TBCE: variants seen among roughly 807,000 people sequenced by gnomAD.
TBCE encodes tubulin folding cofactor E.
Under a neutral mutation model 77.0 loss-of-function variants are expected in TBCE, and 53 were observed. The observed-to-expected ratio is 0.69, with a 90% CI of 0.55 to 0.87. The LOEUF (loss-of-function observed/expected upper bound fraction) is 0.87, where lower values mean the gene tolerates loss of function less well. Ranked by LOEUF, TBCE falls within the 40% of genes least tolerant of loss-of-function variation. The probability of loss-of-function intolerance (pLI) is 0.00; values close to 1 mark genes in which losing one functional copy is unlikely to be tolerated. For synonymous variants in TBCE, 235 were observed against 241.3 expected (o/e 0.97, Z 0.24); for missense variants, 624 against 622.4 (o/e 1.00, Z -0.03).
At chr1:235,377,634 A>G (rs2102807932) in intron 1 of TBCE, among the ~76,000 whole-genome samples, 1 of 149,998 alleles carries the variant, frequency 6.7e-6, no homozygotes, top group Non-Finnish European at 1.5e-5. Flanking sequence ...AACTCCAGTA[A>G]CAGAGGAAAT....
Position 235,407,921 on chromosome 1 carries a change from C to T in TBCE, c.185+6334C>T, listed in dbSNP as rs1679549223. ...CCTAAACCCCAGAGTATGCTCTGAA[C>T]AGAGCTGTGTGTGTCAGTATTCTGC... On this transcript the variant is annotated intron_variant, in intron 3 of 16. Transcript: ENST00000642610. 2.0e-5 allele frequency among the ~76,000 whole-genome samples: 3 copies of T among 151,510 alleles called. No individual in the cohort carries two copies. In the South Asian group the frequency reaches 6.3e-4, roughly 32 times the overall value.
At chr1:235,436,066 T>C in intron 9 of TBCE, 1 of 606,492 alleles carries the variant, frequency 1.6e-6, no homozygotes, top group East Asian at 2.8e-5. Context: ...GAAGAATGAA[T>C]AATTTGACCC....
rs1682761447 is a variant in TBCE at position 235,449,501 on chromosome 1, A to G, written c.*739A>G. 6.5e-6 allele frequency: 1 copy of G among 152,758 alleles called. No homozygotes were observed. The highest frequency in any genetic ancestry group is 2.1e-4 in the South Asian group (1 of 4,854). 9.5% of individuals were successfully genotyped at this position (152,758 alleles called of 1,614,324 possible). On this transcript the variant is annotated 3_prime_UTR_variant, in exon 17 of 17. Transcript: ENST00000642610. ...CATACTCACACAACTTTAGCATTTA[A>G]AAACTATGAGTACTAAACTGTGACC...
In TBCE at chr1:235,437,111, G is replaced by A. The variant is rs139544075; in HGVS notation, c.964-211G>A. 0.011 allele frequency among the ~76,000 whole-genome samples: 1,652 copies of A among 152,146 alleles called. 19 individuals carry two copies. The highest frequency in any genetic ancestry group is 0.015 in the Non-Finnish European group (1,043 of 67,994). ...GCCGTTGCTCTCCAGCCTGGGAAAC[G>A]AGCGAAACTCCATCTCAAAAAACAA... On this transcript the variant is annotated intron_variant, in intron 11 of 16. Coordinates refer to ENST00000642610, the MANE Select transcript of TBCE (RefSeq NM_003193.5).
chr1:235,427,959 G>A (rs1167573149), intron 6 of TBCE, among the ~76,000 whole-genome samples: 2 of 151,972 alleles, frequency 1.3e-5, no homozygotes, highest in African/African-American at 2.4e-5. Context: ...GAACCCGGGA[G>A]GCAGAGGTTG....
intron 13 of TBCE, among the ~76,000 whole-genome samples, chr1:235,439,875 C>T (rs1003497579): frequency 1.3e-5 from 2 of 152,116 alleles, no homozygotes; most frequent in African/African-American, 4.8e-5. Flanking sequence ...AATCTCAGCT[C>T]ATTGCAACCT....
At chr1:235,446,087 A>G (rs889662118) in intron 15 of TBCE, among the ~76,000 whole-genome samples, 2 of 152,244 alleles carry the variant, frequency 1.3e-5, no homozygotes, top group African/African-American at 4.8e-5. Flanking sequence ...GTGTATGGCT[A>G]GAGGACATGG....
At chr1:235,446,407 C>G (rs1449717539) in intron 15 of TBCE, among the ~76,000 whole-genome samples, 1 of 151,892 alleles carries the variant, frequency 6.6e-6, no homozygotes, top group African/African-American at 2.4e-5. Flanking sequence ...AAACTCCTGA[C>G]CTCAGATGAT....
chr1:235,418,399 C>T (rs945015095), intron 4 of TBCE: 2 of 152,186 alleles, frequency 1.3e-5, no homozygotes, highest in African/African-American at 4.8e-5. Flanking sequence ...GGGATTTGAA[C>T]CCAGGTGGTC....
At position 235,430,676 on chromosome 1, in the gene TBCE, A is replaced by T. The variant is rs759501258; in HGVS notation, c.561-29A>T. On this transcript the variant is annotated intron_variant, in intron 6 of 16. Transcript: ENST00000642610. The stretch of plus-strand genomic sequence containing the variant: ...CAGTTGGGTTTACTGTATAGAAATA[A>T]GTACATTGTATCTTTTTTTTCTACA... The T allele has an allele frequency of 2.0e-6, 3 of 1,528,198 alleles. No individual in the cohort carries two copies. The Admixed American group carries it at 5.2e-5, about 26-fold the overall frequency. The allele number at this position is 1,528,198 out of a possible 1,614,324, so 94.7% of individuals were successfully genotyped here.
At chr1:235,434,537 T>TTTTTTC (rs1464324646) in intron 8 of TBCE, among the ~76,000 whole-genome samples, 2 of 74,624 alleles carry the variant, frequency 2.7e-5, no homozygotes, top group African/African-American at 2.0e-4. Context: ...GCTGTTTCTT[T>TTTTTTC]TTTTTCTTTT....
In TBCE at chr1:235,440,075, A is replaced by G. The variant is rs925747174; in HGVS notation, c.1270+1153A>G. 9.2e-5 allele frequency among the ~76,000 whole-genome samples: 14 copies of G among 152,124 alleles called. No homozygotes were observed. In the East Asian group the frequency reaches 2.5e-3, roughly 28 times the overall value. On this transcript the variant is annotated intron_variant, in intron 13 of 16. Transcript: ENST00000642610. ...AAGCTCCGCCTCCCGGGTTCACGCCATTCTCCTGCCTCAGCCTCCCGAGTG... is the reference window on the plus strand; with the variant it reads ...AAGCTCCGCCTCCCGGGTTCACGCCGTTCTCCTGCCTCAGCCTCCCGAGTG...
At chr1:235,382,034 A>G (rs904092511) in intron 2 of TBCE, among the ~76,000 whole-genome samples, 7 of 141,262 alleles carry the variant, frequency 5.0e-5, no homozygotes, top group Non-Finnish European at 9.0e-5. Context: ...CTCATTGTTC[A>G]GTTCCCACCT....
Position 235,438,760 on chromosome 1 carries a change from T to G in TBCE, c.1117-9T>G, listed in dbSNP as rs1681627096. ...GTAATAGGCTTGTTTTTATGTCACA[T>G]GAACATAGATTCTCCCCGAGGAGAG... On this transcript the variant is annotated splice_polypyrimidine_tract_variant and intron_variant, in intron 12 of 16. Coordinates refer to ENST00000642610, the MANE Select transcript of TBCE (RefSeq NM_003193.5). 1 of 1,614,146 alleles carries G rather than the reference T, an allele frequency of 6.2e-7. No individual in the cohort carries two copies. The highest frequency in any genetic ancestry group is 1.1e-5 in the South Asian group (1 of 91,082).
At chr1:235,439,217 C>T (rs980018316) in intron 13 of TBCE, among the ~76,000 whole-genome samples, 1 of 151,642 alleles carries the variant, frequency 6.6e-6, no homozygotes, top group African/African-American at 2.4e-5. Context: ...GTTGGCCGGG[C>T]GCGGTGGCTC....
chr1:235,374,920 C>CTTTTTTTTTTT (rs1241323977), intron 1 of TBCE, among the ~76,000 whole-genome samples: 4 of 111,986 alleles, frequency 3.6e-5, no homozygotes, highest in Non-Finnish European at 5.5e-5. Context: ...CTTTTTTTTT[C>CTTTTTTTTTTT]TTTTTTTTTT....
At chr1:235,394,440 T>C (rs1157857369) in intron 2 of TBCE, among the ~76,000 whole-genome samples, 1 of 142,888 alleles carries the variant, frequency 7.0e-6, no homozygotes, top group Non-Finnish European at 1.5e-5. Flanking sequence ...TTTTTTTTTT[T>C]TTTGAGACAG....
intron 15 of TBCE, among the ~76,000 whole-genome samples, chr1:235,447,680 A>G (rs941798152): frequency 6.6e-6 from 1 of 152,238 alleles, no homozygotes; most frequent in Non-Finnish European, 1.5e-5. Flanking sequence ...TAAGGAAGTC[A>G]TCATAAAGGT....
rs143388548 is a variant in TBCE at position 235,402,394 on chromosome 1, C to T, written c.185+807C>T. Among the ~76,000 whole-genome samples the T allele has an allele frequency of 6.0e-3, 914 of 151,964 alleles. 5 individuals are homozygous for T. The highest frequency in any genetic ancestry group is 0.014 in the African/African-American group (601 of 41,460). On this transcript the variant is annotated intron_variant, in intron 3 of 16. Coordinates refer to ENST00000642610, the MANE Select transcript of TBCE (RefSeq NM_003193.5). Reference sequence around the variant, plus strand: ...TTGCATTTCTATTATTATTTTTGATCGCCTGATGTCAGAAAAACTGCATGA... The same window carrying T: ...TTGCATTTCTATTATTATTTTTGATTGCCTGATGTCAGAAAAACTGCATGA...
Sources: gnomAD v4.1 joint callset for allele counts (sites outside exome capture counted in the v4.1 genomes callset) on GRCh38, gnomAD v4.1.1 for gene constraint, MANE v1.5 for transcripts, NCBI Gene and HGNC (gene_info 2026-07-23, HGNC 2026-07-21) for gene names.